Variants in TRAF3IP1 observed in about 807,000 individuals in gnomAD.
The protein encoded by TRAF3IP1 is intraflagellar transport 54.
A neutral mutation model predicts 89.9 loss-of-function variants in TRAF3IP1; 53 were observed. The ratio of observed to expected loss-of-function variants is 0.59; its 90% CI spans 0.47 to 0.74. The LOEUF (loss-of-function observed/expected upper bound fraction) is 0.74, where lower values mean the gene tolerates loss of function less well. Among genes scored for constraint, TRAF3IP1 ranks in the 30% least tolerant of loss-of-function variants. The pLI is 0.00. For missense variants in TRAF3IP1, 806 were observed against 866.1 expected, an observed-to-expected ratio of 0.93 and a Z score of 0.87; for synonymous variants, 311 against 322.1, an observed-to-expected ratio of 0.97 and a Z score of 0.37.
In TRAF3IP1 at chr2:238,390,012, G is replaced by A. The variant is rs377687672; in HGVS notation, c.1690-7447G>A. ...CATTTTCTGAAAAGTGTGTGCGCACGTGAGCACATGAAGTGGCCCAACGCT... is the reference window on the plus strand; with the variant it reads ...CATTTTCTGAAAAGTGTGTGCGCACATGAGCACATGAAGTGGCCCAACGCT... On this transcript the variant is annotated intron_variant, in intron 15 of 16. Coordinates refer to ENST00000373327, the MANE Select transcript of TRAF3IP1 (RefSeq NM_015650.4). Among the ~76,000 whole-genome samples, 14 of 152,284 alleles carry A rather than the reference G, an allele frequency of 9.2e-5. No individual in the cohort carries two copies. The East Asian group carries it at 2.7e-3, about 29-fold the overall frequency.
At chr2:238,389,132 A>T (rs1393091789) in intron 15 of TRAF3IP1, among the ~76,000 whole-genome samples, 1 of 152,178 alleles carries the variant, frequency 6.6e-6, no homozygotes, top group East Asian at 1.9e-4. Flanking sequence ...CACATCCAGC[A>T]GCGGGGCAGG....
At chr2:238,335,285 G>C (rs149336184) in intron 7 of TRAF3IP1, among the ~76,000 whole-genome samples, 1 of 151,996 alleles carries the variant, frequency 6.6e-6, no homozygotes, top group East Asian at 1.9e-4. Context: ...AATTTCTTAT[G>C]TTATCTCTTA....
chr2:238,364,922 A>G (rs1474252152), intron 15 of TRAF3IP1, among the ~76,000 whole-genome samples: 1 of 152,232 alleles, frequency 6.6e-6, no homozygotes, highest in Non-Finnish European at 1.5e-5. Flanking sequence ...GAAAGTTGTA[A>G]TAAGCAAGCA....
intron 15 of TRAF3IP1, among the ~76,000 whole-genome samples, chr2:238,372,099 A>G (rs1208877836): frequency 6.6e-6 from 1 of 152,192 alleles, no homozygotes; most frequent in Admixed American, 6.5e-5. Flanking sequence ...ACATTAAAGT[A>G]ACATTCATTT....
chr2:238,325,194 A>G lies in TRAF3IP1; in HGVS notation c.124-112A>G, dbSNP rs146071652. ...AAATATTTCTTAAGTGGATGATTCAAATCTGGGCTGCTAGTCAATTCTGAC... is the reference window on the plus strand; with the variant it reads ...AAATATTTCTTAAGTGGATGATTCAGATCTGGGCTGCTAGTCAATTCTGAC... On this transcript the variant is annotated intron_variant, in intron 1 of 16. Transcript: ENST00000373327. 7.7e-4 allele frequency: 813 copies of G among 1,056,470 alleles called. 4 individuals carry two copies. In the African/African-American group the frequency reaches 0.01, roughly 14 times the overall value. The allele number at this position is 1,056,470 out of a possible 1,614,324, so 65.4% of individuals were successfully genotyped here. A position where few individuals can be genotyped will look rare whatever the true frequency, so the allele number is the denominator to read the frequency against.
intron 15 of TRAF3IP1, among the ~76,000 whole-genome samples, chr2:238,371,181 A>T (rs1196530933): frequency 1.3e-5 from 2 of 152,162 alleles, no homozygotes; most frequent in African/African-American, 4.8e-5. Context: ...GTGAAGCTTG[A>T]CCTTCTATGA....
intron 1 of TRAF3IP1, among the ~76,000 whole-genome samples, chr2:238,322,759 G>C (rs552694608): frequency 6.7e-6 from 1 of 148,648 alleles, no homozygotes; most frequent in Non-Finnish European, 1.5e-5. Context: ...GGAACGAGTT[G>C]CATGTTCCCA....
At chr2:238,367,024 C>T (rs1014905992) in intron 15 of TRAF3IP1, among the ~76,000 whole-genome samples, 23 of 151,468 alleles carry the variant, frequency 1.5e-4, no homozygotes, top group East Asian at 1.4e-3. Context: ...ATTAGCCGGG[C>T]GTGGTGGCAC....
At chr2:238,364,148 C>T (rs979054789) in intron 15 of TRAF3IP1, among the ~76,000 whole-genome samples, 2 of 151,992 alleles carry the variant, frequency 1.3e-5, no homozygotes, top group African/African-American at 4.8e-5. Context: ...AGTCTTGATA[C>T]TTTTTATTTT....
chr2:238,349,405 A>G lies in TRAF3IP1; in HGVS notation c.1448A>G (p.Asp483Gly). Reference sequence around the variant, plus strand: ...GACAGCATGGAGGCGCTACAAATGGATAGGTAAGGCTGGCTCAGCAGGGCA... The same window carrying G: ...GACAGCATGGAGGCGCTACAAATGGGTAGGTAAGGCTGGCTCAGCAGGGCA... ...RQDSMEALQM[D>G]RSGSGKTVSN... The change falls in exon 12 of 17, where the codon GAT becomes GGT. Residue 483 changes from aspartate (D) to glycine (G), a missense_variant. By Grantham distance (94) the Asp-to-Gly change is moderately conservative. Around this residue, in one of 3 missense-constraint regions of TRAF3IP1, gnomAD observed 732 missense variants for 780.5 expected, o/e 0.94. Transcript: ENST00000373327. The G allele has an allele frequency of 6.2e-7, 1 of 1,613,982 alleles. No homozygotes were observed. The highest frequency in any genetic ancestry group is 8.5e-7 in the Non-Finnish European group (1 of 1,179,974).
At chr2:238,330,062 C>T (rs902916480) in intron 5 of TRAF3IP1, among the ~76,000 whole-genome samples, 2 of 152,128 alleles carry the variant, frequency 1.3e-5, no homozygotes, top group African/African-American at 2.4e-5. Context: ...CCGTGCGTGT[C>T]GTTTGTGTCA....
At chr2:238,348,926 T>A (rs1699021670) in intron 11 of TRAF3IP1, 78 bp downstream of exon 11, 3 of 1,264,478 alleles carry the variant, frequency 2.4e-6, no homozygotes, top group Non-Finnish European at 3.4e-6. Flanking sequence ...TTCTGGCTGC[T>A]GCTATTTATT....
At chr2:238,340,686 C>G (rs541462622) in intron 8 of TRAF3IP1, among the ~76,000 whole-genome samples, 1 of 152,262 alleles carries the variant, frequency 6.6e-6, no homozygotes, top group Non-Finnish European at 1.5e-5. Flanking sequence ...TTTTTGCTTA[C>G]TTCTCTAACT....
At chr2:238,358,544 T>C (rs966795492) in intron 15 of TRAF3IP1, among the ~76,000 whole-genome samples, 10 of 152,104 alleles carry the variant, frequency 6.6e-5, no homozygotes, top group African/African-American at 2.4e-4. Context: ...AAAAAAAACA[T>C]GTAGGAAGAG....
intron 15 of TRAF3IP1, among the ~76,000 whole-genome samples, chr2:238,389,262 T>TGCCCA (rs1700899894): frequency 6.6e-6 from 1 of 151,864 alleles, no homozygotes; most frequent in African/African-American, 2.4e-5. Flanking sequence ...TTGTTTTAGA[T>TGCCCA]TTGGGGGTAC....
intron 15 of TRAF3IP1, among the ~76,000 whole-genome samples, chr2:238,388,593 C>CTTTT (rs752954955): frequency 1.4e-4 from 15 of 104,186 alleles, no homozygotes; most frequent in East Asian, 5.6e-4. Flanking sequence ...AAGAACACAA[C>CTTTT]TTTTTTTTTT....
At chr2:238,372,903 C>T (rs1312469279) in intron 15 of TRAF3IP1, among the ~76,000 whole-genome samples, 6 of 152,054 alleles carry the variant, frequency 3.9e-5, no homozygotes, top group Admixed American at 6.6e-5. Context: ...CATTTTTTCA[C>T]GTGTCTGTTG....
intron 15 of TRAF3IP1, among the ~76,000 whole-genome samples, chr2:238,381,900 G>A (rs1053997550): frequency 1.3e-5 from 2 of 152,136 alleles, no homozygotes; most frequent in Non-Finnish European, 2.9e-5. Context: ...GGCTGAGAAG[G>A]AAAGGGGCTG....
chr2:238,328,105 A>G (rs766967686), intron 3 of TRAF3IP1, among the ~76,000 whole-genome samples: 7 of 152,214 alleles, frequency 4.6e-5, no homozygotes, highest in Non-Finnish European at 1.0e-4. Context: ...AATACCCAGA[A>G]GGGGAATTAT....
Sources: allele counts gnomAD v4.1 joint callset (sites outside exome capture counted in the v4.1 genomes callset), GRCh38; gene constraint gnomAD v4.1.1; regional missense constraint gnomAD v4.1.1; transcripts MANE v1.5; gene names NCBI Gene and HGNC (gene_info 2026-07-23, HGNC 2026-07-21).